The following COP1 variants were observed in gnomAD, a reference collection of about 807,000 sequenced individuals.
COP1 encodes COP1 E3 ubiquitin ligase, also known as E3 ubiquitin-protein ligase COP1.
A neutral mutation model predicts 101.3 loss-of-function variants in COP1; 24 were observed. That is an observed-to-expected ratio of 0.24 (90% CI 0.17 to 0.33). COP1 has a LOEUF of 0.33. COP1 is among the 10% of genes least tolerant of loss of function. COP1 has a pLI of 1.00. For synonymous variants in COP1, 347 were observed against 341.9 expected, an observed-to-expected ratio of 1.01 and a Z score of -0.17; for missense variants, 663 against 906.2, an observed-to-expected ratio of 0.73 and a Z score of 3.45.
intron 1 of COP1, among the ~76,000 whole-genome samples, chr1:176,186,755 A>T (rs926755745): frequency 2.6e-5 from 4 of 152,194 alleles, no homozygotes; most frequent in African/African-American, 7.2e-5. Flanking sequence ...AGCTATCATA[A>T]TCCAGTGAGA....
intron 14 of COP1, among the ~76,000 whole-genome samples, chr1:176,036,655 C>T (rs57976047): frequency 1.3e-5 from 2 of 152,114 alleles, no homozygotes; most frequent in Non-Finnish European, 2.9e-5. Flanking sequence ...AGGAACCATA[C>T]TTCCAATTTT....
intron 3 of COP1, among the ~76,000 whole-genome samples, chr1:176,168,914 T>C (rs2149999571): frequency 6.6e-6 from 1 of 152,304 alleles, no homozygotes; most frequent in East Asian, 1.9e-4. Context: ...TGTATATGAC[T>C]CTAATGACCA....
chr1:175,980,158 A>G (rs186639280), intron 18 of COP1, among the ~76,000 whole-genome samples: 27 of 152,238 alleles, frequency 1.8e-4, no homozygotes, highest in African/African-American at 6.5e-4. Flanking sequence ...AAATTCAGCA[A>G]GGTCACACAG....
At chr1:175,992,683 G>A (rs951903609) in intron 15 of COP1, among the ~76,000 whole-genome samples, 19 of 152,344 alleles carry the variant, frequency 1.2e-4, no homozygotes, top group African/African-American at 4.3e-4. Context: ...AGGCGGCAGC[G>A]AGGCTGGGGG....
chr1:176,097,977 G>A (rs934017803), intron 9 of COP1, among the ~76,000 whole-genome samples: 21 of 151,724 alleles, frequency 1.4e-4, no homozygotes, highest in Admixed American at 1.1e-3. Context: ...TTCAGTTCAC[G>A]TGACTTTAAT....
chr1:176,197,967 A>G (rs943778222), intron 1 of COP1, among the ~76,000 whole-genome samples: 11 of 152,156 alleles, frequency 7.2e-5, no homozygotes, highest in African/African-American at 2.7e-4. Flanking sequence ...AAAAACCTCA[A>G]CTGAAAAGCA....
intron 9 of COP1, among the ~76,000 whole-genome samples, chr1:176,096,526 T>A (rs1253459646): frequency 6.6e-6 from 1 of 152,328 alleles, no homozygotes; most frequent in South Asian, 2.1e-4. Flanking sequence ...CCCTGCATGG[T>A]TGACTGGCCA....
At chr1:176,032,074 C>T (rs1374229336) in intron 14 of COP1, among the ~76,000 whole-genome samples, 2 of 152,098 alleles carry the variant, frequency 1.3e-5, no homozygotes, top group African/African-American at 2.4e-5. Flanking sequence ...AAAGAGAAAA[C>T]AGGGACAGAA....
In COP1 at chr1:176,086,370, C is replaced by T. The variant is rs369507225; in HGVS notation, c.1027-480G>A. 2.7e-3 allele frequency among the ~76,000 whole-genome samples: 417 copies of T among 151,758 alleles called. 3 individuals are homozygous for T. The highest frequency in any genetic ancestry group is 9.6e-3 in the African/African-American group (396 of 41,386). ...CCTCCCAAGTAGCTGGGACTACAGCCGCCCGCCACCACGCCCAGCTAATTA... is the reference window on the plus strand; with the variant it reads ...CCTCCCAAGTAGCTGGGACTACAGCTGCCCGCCACCACGCCCAGCTAATTA... On this transcript the variant is annotated intron_variant, in intron 9 of 19. Transcript: ENST00000367669.
intron 3 of COP1, among the ~76,000 whole-genome samples, chr1:176,164,451 A>G (rs1447187755): frequency 3.9e-5 from 6 of 152,176 alleles, no homozygotes; most frequent in African/African-American, 9.7e-5. Flanking sequence ...TACTTTGACT[A>G]ACCTAAGGCA....
rs1666945199 is a variant in COP1, at chr1:176,022,628, G to C, written c.1729+4944C>G. On this transcript the variant is annotated intron_variant, in intron 15 of 19. Coordinates refer to ENST00000367669, the MANE Select transcript of COP1 (RefSeq NM_022457.7). The stretch of plus-strand genomic sequence containing the variant: ...TATCGGTCAGTTTTCTAGTTGTAAA[G>C]TTTTTCTTGTATTAAAGGAATGTTT... 2.6e-5 allele frequency among the ~76,000 whole-genome samples: 4 copies of C among 152,290 alleles called. No homozygotes were observed. The South Asian group carries it at 8.3e-4, about 32-fold the overall frequency.
chr1:176,207,122 T>C lies in COP1; in HGVS notation c.-144A>G, dbSNP rs921508302. 1.7e-6 allele frequency: 1 copy of C among 580,902 alleles called. No individual in the cohort carries two copies. The highest frequency in any genetic ancestry group is 2.0e-5 in the African/African-American group (1 of 49,460). The allele number at this position is 580,902 out of a possible 1,614,324, so 36.0% of individuals were successfully genotyped here. A position where few individuals can be genotyped will look rare whatever the true frequency, so the allele number is the denominator to read the frequency against. Reference sequence around the variant, plus strand: ...GGGGCTGAGGAACAATAAAGTTGCGTTTTTTTTTAAGGCAGCCACACAACA... The same window carrying C: ...GGGGCTGAGGAACAATAAAGTTGCGCTTTTTTTTAAGGCAGCCACACAACA... On this transcript the variant is annotated 5_prime_UTR_variant, in exon 1 of 20. Coordinates refer to ENST00000367669, the MANE Select transcript of COP1 (RefSeq NM_022457.7).
chr1:176,024,898 A>C (rs966093151), intron 15 of COP1, among the ~76,000 whole-genome samples: 3 of 152,238 alleles, frequency 2.0e-5, no homozygotes, highest in Non-Finnish European at 2.9e-5. Flanking sequence ...TTCTACACTG[A>C]AAATTACAAA....
At chr1:176,142,961 CA>C (rs1690932902) in intron 6 of COP1, among the ~76,000 whole-genome samples, 1 of 150,808 alleles carries the variant, frequency 6.6e-6, no homozygotes, top group Non-Finnish European at 1.5e-5. Flanking sequence ...TAGGAAGGAA[CA>C]AAAAAGTAAA....
At chr1:176,149,490 T>C (rs1000493863) in intron 5 of COP1, among the ~76,000 whole-genome samples, 6 of 152,134 alleles carry the variant, frequency 3.9e-5, no homozygotes, top group Non-Finnish European at 7.4e-5. Flanking sequence ...GTGTAATAAA[T>C]AGAGATAAAC....
intron 9 of COP1, among the ~76,000 whole-genome samples, chr1:176,098,637 C>T (rs1171533099): frequency 6.6e-6 from 1 of 152,142 alleles, no homozygotes; most frequent in Non-Finnish European, 1.5e-5. Flanking sequence ...AAAACGTACT[C>T]TTAAGGAACT....
intron 18 of COP1, among the ~76,000 whole-genome samples, chr1:175,947,690 T>G (rs1649362755): frequency 6.6e-6 from 1 of 152,138 alleles, no homozygotes; most frequent in Non-Finnish European, 1.5e-5. Context: ...TTTTAACATG[T>G]TTTTAACTGT....
chr1:176,115,658 A>G (rs1270618233), intron 9 of COP1, among the ~76,000 whole-genome samples: 1 of 152,006 alleles, frequency 6.6e-6, no homozygotes, highest in Non-Finnish European at 1.5e-5. Context: ...CTGAGGCAGG[A>G]GAATCACTTG....
At chr1:175,978,079 T>C (rs1654988361) in intron 18 of COP1, among the ~76,000 whole-genome samples, 1 of 152,152 alleles carries the variant, frequency 6.6e-6, no homozygotes, top group African/African-American at 2.4e-5. Flanking sequence ...GTTAGGATAA[T>C]GGCATAATTC....
Sources: gnomAD v4.1 joint callset for allele counts (sites outside exome capture counted in the v4.1 genomes callset) on GRCh38, gnomAD v4.1.1 for gene constraint, MANE v1.5 for transcripts, NCBI Gene and HGNC (gene_info 2026-07-23, HGNC 2026-07-21) for gene names.